AGAP1: variants seen among roughly 807,000 people sequenced by gnomAD.
AGAP1 encodes the protein arf-GAP with GTPase, ANK repeat and PH domain-containing protein 1.
AGAP1 carries 29 observed loss-of-function variants against 105.3 expected under a neutral mutation model. That is an observed-to-expected ratio of 0.28 (90% CI 0.21 to 0.38). The LOEUF is 0.38. Ranked by LOEUF, AGAP1 falls within the 10% of genes least tolerant of loss-of-function variation. AGAP1 has a pLI of 1.00. For missense variants in AGAP1, 998 were observed against 1,165.1 expected, an observed-to-expected ratio of 0.86 and a Z score of 2.09; for synonymous variants, 509 against 485.9, an observed-to-expected ratio of 1.05 and a Z score of -0.63.
intron 5 of AGAP1, among the ~76,000 whole-genome samples, chr2:235,749,441 C>T (rs1953244476): frequency 6.6e-6 from 1 of 151,896 alleles, no homozygotes; most frequent in Admixed American, 6.6e-5. Flanking sequence ...TGTGCAGCTG[C>T]TCAAACGCCC....
At chr2:235,519,832 G>A (rs1942548467) in intron 1 of AGAP1, among the ~76,000 whole-genome samples, 1 of 151,918 alleles carries the variant, frequency 6.6e-6, no homozygotes, top group South Asian at 2.1e-4. Flanking sequence ...GCCCAGGCTC[G>A]AGTGCAATGG....
chr2:235,591,734 T>G (rs568429756), intron 1 of AGAP1, among the ~76,000 whole-genome samples: 37 of 152,302 alleles, frequency 2.4e-4, no homozygotes, highest in Non-Finnish European at 4.3e-4. Flanking sequence ...GATGAGTGAA[T>G]TCTTGCTCTG....
chr2:236,123,952 G>A lies in AGAP1; in HGVS notation c.2404G>A (p.Gly802Arg), dbSNP rs754224338. ...GGACGTCACGGCCCGAGATGCCCACGGGAACACAGCTCTGGCCTACGCCCG... is the reference window on the plus strand; with the variant it reads ...GGACGTCACGGCCCGAGATGCCCACAGGAACACAGCTCTGGCCTACGCCCG... ...GVDVTARDAHGNTALAYARQA... is the reference protein window; with the variant it reads ...GVDVTARDAHRNTALAYARQA... The change falls in exon 18 of 18, where the codon GGG (glycine) becomes AGG (arginine). Residue 802 changes from glycine to arginine, a missense_variant. Coordinates refer to ENST00000304032, the MANE Select transcript of AGAP1 (RefSeq NM_001037131.3). This position sits in a 1 kb window ranked among gnomAD's most constrained non-coding sequence, Gnocchi z 4.6. 30 of 1,613,628 alleles carry A rather than the reference G, an allele frequency of 1.9e-5. No homozygotes were observed. Among genetic ancestry groups the A allele is most frequent in the South Asian group, 8.8e-5 (8 of 91,044 alleles).
At position 235,690,838 on chromosome 2, in the gene AGAP1, A is replaced by G. The variant is rs1292462095; in HGVS notation, c.164-18341A>G. On this transcript the variant is annotated intron_variant, in intron 1 of 17. Transcript: ENST00000304032. This position sits in a 1 kb window ranked among gnomAD's most constrained non-coding sequence, Gnocchi z 4.1. ...TTTTTTTCTCCAGTCTAGTCATAGT[A>G]TTGGTTTCGAGAAGTCAAAATCAAT... Among the ~76,000 whole-genome samples, 1 of 152,100 alleles carries G rather than the reference A, an allele frequency of 6.6e-6. No homozygotes were observed. Among genetic ancestry groups the G allele is most frequent in the Non-Finnish European group, 1.5e-5 (1 of 68,020 alleles).
chr2:235,696,364 C>A (rs938213463), intron 1 of AGAP1, among the ~76,000 whole-genome samples: 2 of 152,194 alleles, frequency 1.3e-5, no homozygotes, highest in Middle Eastern at 3.2e-3. Flanking sequence ...AATTTTTAAA[C>A]CATGGCTTAT....
In AGAP1 at chr2:235,875,209, C is replaced by A. The variant is rs928882140; in HGVS notation, c.1051-8136C>A. Among the ~76,000 whole-genome samples, 2 of 152,230 alleles carry A rather than the reference C, an allele frequency of 1.3e-5. No individual in the cohort carries two copies. The highest frequency in any genetic ancestry group is 2.9e-5 in the Non-Finnish European group (2 of 68,042). Reference sequence around the variant, plus strand: ...CCATGGCCCTGTCCTGTTTCTGTATCTGCCAACCAGAGAGCAACTCCCGTT... The same window carrying A: ...CCATGGCCCTGTCCTGTTTCTGTATATGCCAACCAGAGAGCAACTCCCGTT... On this transcript the variant is annotated intron_variant, in intron 9 of 17. Transcript: ENST00000304032. The surrounding 1 kb of genome is among the most constrained non-coding windows in gnomAD (Gnocchi z 4.0).
In AGAP1 at chr2:235,582,786, C is replaced by T. The variant is rs1349674637; in HGVS notation, c.163+87937C>T. On this transcript the variant is annotated intron_variant, in intron 1 of 17. Transcript: ENST00000304032. The surrounding 1 kb of genome is among the most constrained non-coding windows in gnomAD (Gnocchi z 4.7). ...AGCAGGAGTTGGCACTTGAGTCCCA[C>T]GTCCTAGCCTCCCGGCATCACAGCC... 6.6e-5 allele frequency among the ~76,000 whole-genome samples: 10 copies of T among 152,332 alleles called. No homozygotes were observed. Among genetic ancestry groups the T allele is most frequent in the Middle Eastern group, 3.4e-3 (1 of 294 alleles).
At chr2:236,026,386 C>A (rs904907949) in intron 13 of AGAP1, among the ~76,000 whole-genome samples, 2 of 152,188 alleles carry the variant, frequency 1.3e-5, no homozygotes, top group African/African-American at 4.8e-5. Flanking sequence ...ACCATGTCCC[C>A]CAGCATTTAC....
rs372372208 is a variant in AGAP1 at position 235,747,200 on chromosome 2, T to C, written c.538+2361T>C. On this transcript the variant is annotated intron_variant, in intron 5 of 17. Coordinates refer to ENST00000304032, the MANE Select transcript of AGAP1 (RefSeq NM_001037131.3). The surrounding 1 kb of genome is among the most constrained non-coding windows in gnomAD (Gnocchi z 5.0). ...TGCCCCTGGAGGCAGCGTATCCCTC[T>C]GAGTCTCCTGCCTGAGCCAAGGGGC... Among the ~76,000 whole-genome samples the C allele has an allele frequency of 1.1e-4, 17 of 152,264 alleles. No homozygotes were observed. The East Asian group carries it at 2.7e-3, about 24-fold the overall frequency.
intron 1 of AGAP1, among the ~76,000 whole-genome samples, chr2:235,695,471 T>C (rs1949952631): frequency 6.6e-6 from 1 of 152,210 alleles, no homozygotes; most frequent in African/African-American, 2.4e-5. Context: ...ATGTCGTCTC[T>C]GTCAGTCAGT....
chr2:235,501,959 A>T (rs570799936), intron 1 of AGAP1, among the ~76,000 whole-genome samples: 1 of 152,110 alleles, frequency 6.6e-6, no homozygotes, highest in African/African-American at 2.4e-5. Context: ...CACTCTACAG[A>T]TGTTAATCTC....
intron 6 of AGAP1, chr2:235,774,316 A>AG (rs769023612): frequency 8.5e-6 from 4 of 469,728 alleles, no homozygotes; most frequent in Admixed American, 7.1e-5. Flanking sequence ...TCGCCAGCCC[A>AG]GGGCTGGGAA....
chr2:235,619,317 G>A (rs563351972), intron 1 of AGAP1, among the ~76,000 whole-genome samples: 1 of 152,190 alleles, frequency 6.6e-6, no homozygotes, highest in East Asian at 1.9e-4. Flanking sequence ...ACATCATGAA[G>A]TGGGGGAGCT....
intron 1 of AGAP1, among the ~76,000 whole-genome samples, chr2:235,547,546 A>T (rs1026207244): frequency 5.9e-5 from 9 of 152,148 alleles, no homozygotes; most frequent in African/African-American, 2.2e-4. Flanking sequence ...TTTAGTAAAG[A>T]TGGGGTTTCA....
rs1486798125 is a variant in AGAP1, at chr2:235,788,559, G to A, written c.674-9200G>A. Among the ~76,000 whole-genome samples the A allele has an allele frequency of 6.6e-6, 1 of 151,966 alleles. No homozygotes were observed. Among genetic ancestry groups the A allele is most frequent in the Non-Finnish European group, 1.5e-5 (1 of 67,978 alleles). Reference sequence around the variant, plus strand: ...CAAGGTGGGGCGAGGAGAAGAGCGGGAGGGTAGGTGAGGCCGGGCAAGGAG... The same window carrying A: ...CAAGGTGGGGCGAGGAGAAGAGCGGAAGGGTAGGTGAGGCCGGGCAAGGAG... On this transcript the variant is annotated intron_variant, in intron 6 of 17. Transcript: ENST00000304032. The surrounding 1 kb of genome is among the most constrained non-coding windows in gnomAD (Gnocchi z 6.0).
intron 17 of AGAP1, among the ~76,000 whole-genome samples, chr2:236,122,609 TAATC>T (rs1449845250): frequency 2.0e-5 from 3 of 151,918 alleles, no homozygotes; most frequent in Admixed American, 1.3e-4. Context: ...ATCACTCTAA[TAATC>T]AATCACAGAT....
chr2:235,628,592 C>G (rs531961233), intron 1 of AGAP1, among the ~76,000 whole-genome samples: 75 of 151,784 alleles, frequency 4.9e-4, no homozygotes, highest in African/African-American at 1.7e-3. Flanking sequence ...TCCTTGAATG[C>G]TCTGGAAAGA....
intron 13 of AGAP1, among the ~76,000 whole-genome samples, chr2:235,986,917 A>G (rs561184320): frequency 6.6e-6 from 1 of 152,122 alleles, no homozygotes; most frequent in Admixed American, 6.5e-5. Flanking sequence ...CATCAGGGAT[A>G]TTTGCCTGAA....
chr2:235,888,121 T>C lies in AGAP1; in HGVS notation c.1155+4672T>C, dbSNP rs1333113658. Among the ~76,000 whole-genome samples, 1 of 152,142 alleles carries C rather than the reference T, an allele frequency of 6.6e-6. No individual in the cohort carries two copies. Among genetic ancestry groups the C allele is most frequent in the African/African-American group, 2.4e-5 (1 of 41,426 alleles). ...AATTCAGGGAGCTGGGGAGAGGGTC[T>C]TGCACACAAGGAACATTGGAGCAAG... On this transcript the variant is annotated intron_variant, in intron 10 of 17. Coordinates refer to ENST00000304032, the MANE Select transcript of AGAP1 (RefSeq NM_001037131.3). The surrounding 1 kb of genome is among the most constrained non-coding windows in gnomAD (Gnocchi z 4.8).
Sources: allele counts gnomAD v4.1 joint callset (sites outside exome capture counted in the v4.1 genomes callset), GRCh38; gene constraint gnomAD v4.1.1; non-coding constraint Gnocchi (gnomAD v3.1); transcripts MANE v1.5; gene names NCBI Gene and HGNC (gene_info 2026-07-23, HGNC 2026-07-21).